STAG1: variants seen among roughly 807,000 people sequenced by gnomAD.
The protein encoded by STAG1 is cohesin subunit SA-1.
A neutral mutation model predicts 170.9 loss-of-function variants in STAG1; 26 were observed. The ratio of observed to expected loss-of-function variants is 0.15; its 90% CI spans 0.11 to 0.21. The LOEUF is 0.21. STAG1 is among the 10% of genes least tolerant of loss of function. The pLI is 1.00. For synonymous variants in STAG1, 514 were observed against 497.7 expected, an observed-to-expected ratio of 1.03 and a Z score of -0.44; for missense variants, 964 against 1,509.5, an observed-to-expected ratio of 0.64 and a Z score of 5.99.
At chr3:136,691,374 G>C (rs887010300) in intron 1 of STAG1, among the ~76,000 whole-genome samples, 6 of 151,722 alleles carry the variant, frequency 4.0e-5, no homozygotes, top group Non-Finnish European at 7.4e-5. Context: ...GGTGGAGCTT[G>C]CGGTGAGCCA....
intron 22 of STAG1, among the ~76,000 whole-genome samples, chr3:136,382,886 T>G (rs555257702): frequency 6.6e-6 from 1 of 152,320 alleles, no homozygotes; most frequent in East Asian, 1.9e-4. Flanking sequence ...CAGATTTGGG[T>G]AAATAAGCAC....
At chr3:136,549,883 G>C (rs1559873485) in intron 5 of STAG1, among the ~76,000 whole-genome samples, 1 of 152,072 alleles carries the variant, frequency 6.6e-6, no homozygotes, top group East Asian at 1.9e-4. Context: ...AACATGAAAA[G>C]GGTGCTGGAT....
chr3:136,479,141 T>C (rs1213092987), intron 9 of STAG1, among the ~76,000 whole-genome samples: 1 of 148,914 alleles, frequency 6.7e-6, no homozygotes, highest in Non-Finnish European at 1.5e-5. Flanking sequence ...GTTAGTTACA[T>C]ATGTATACAT....
At position 136,422,867 on chromosome 3, in the gene STAG1, G is replaced by A. The variant is rs1393805642; in HGVS notation, c.1744-10C>T. The A allele has an allele frequency of 6.3e-7, 1 of 1,599,516 alleles. No individual in the cohort carries two copies. ...CTGCATCTGCAGAATACTAGAAGGAGAAGCAAAGAAAAAGACAGTAACTAC... is the reference window on the plus strand; with the variant it reads ...CTGCATCTGCAGAATACTAGAAGGAAAAGCAAAGAAAAAGACAGTAACTAC... On this transcript the variant is annotated splice_polypyrimidine_tract_variant and intron_variant, in intron 17 of 33. Transcript: ENST00000383202.
intron 5 of STAG1, among the ~76,000 whole-genome samples, chr3:136,563,169 T>C (rs1936912211): frequency 1.3e-5 from 2 of 152,308 alleles, no homozygotes; most frequent in South Asian, 4.1e-4. Flanking sequence ...ACCCTGTAAA[T>C]AGTAGATATC....
chr3:136,384,174 G>T (rs1460746022), intron 22 of STAG1, among the ~76,000 whole-genome samples: 1 of 151,968 alleles, frequency 6.6e-6, no homozygotes, highest in Non-Finnish European at 1.5e-5. Flanking sequence ...AATTTGGCTG[G>T]GTGTGGTGGC....
intron 1 of STAG1, among the ~76,000 whole-genome samples, chr3:136,676,393 A>T (rs1307940012): frequency 6.6e-6 from 1 of 152,010 alleles, no homozygotes; most frequent in Non-Finnish European, 1.5e-5. Flanking sequence ...AAACTTTTTG[A>T]CTCTTTGGTA....
chr3:136,514,065 T>G (rs1576550666), intron 7 of STAG1, among the ~76,000 whole-genome samples: 1 of 152,282 alleles, frequency 6.6e-6, no homozygotes, highest in East Asian at 1.9e-4. Context: ...TTATAGAGAA[T>G]TTTTATTTTT....
At chr3:136,730,045 C>A (rs114462013) in intron 1 of STAG1, among the ~76,000 whole-genome samples, 2 of 151,836 alleles carry the variant, frequency 1.3e-5, no homozygotes, top group African/African-American at 2.4e-5. Flanking sequence ...CGTGCCACTA[C>A]GCCCGGCTAA....
At chr3:136,700,867 A>AT (rs1030124272) in intron 1 of STAG1, among the ~76,000 whole-genome samples, 2 of 114,846 alleles carry the variant, frequency 1.7e-5, no homozygotes, top group Non-Finnish European at 3.6e-5. Context: ...TGTGTGCTCT[A>AT]TTTTTTTTCT....
intron 23 of STAG1, 145 bp from the exon 24 acceptor site, chr3:136,369,427 T>C: frequency 1.6e-6 from 1 of 616,504 alleles, no homozygotes; most frequent in East Asian, 3.5e-5. Context: ...AATATTGTTA[T>C]AATTTCCAAA....
intron 1 of STAG1, among the ~76,000 whole-genome samples, chr3:136,638,003 G>A (rs1309531005): frequency 4.6e-5 from 7 of 151,858 alleles, no homozygotes; most frequent in Non-Finnish European, 1.5e-5. Flanking sequence ...TCCAACTCCT[G>A]GGCCCAAGTG....
At chr3:136,552,537 C>T (rs1936448589) in intron 5 of STAG1, among the ~76,000 whole-genome samples, 1 of 152,050 alleles carries the variant, frequency 6.6e-6, no homozygotes, top group African/African-American at 2.4e-5. Context: ...TATATAGAAG[C>T]AATGCTGAAA....
intron 1 of STAG1, among the ~76,000 whole-genome samples, chr3:136,687,737 AT>A (rs397876527): frequency 0.07 from 9,923 of 141,680 alleles, 360 homozygotes; most frequent in African/African-American, 0.11. Context: ...GAAGAGACCA[AT>A]TTTTTTTTTT....
chr3:136,714,738 A>G (rs1943473858), intron 1 of STAG1, among the ~76,000 whole-genome samples: 1 of 150,722 alleles, frequency 6.6e-6, no homozygotes, highest in Admixed American at 6.6e-5. Context: ...AAAAATAAAA[A>G]TAAATAAATA....
intron 1 of STAG1, among the ~76,000 whole-genome samples, chr3:136,700,940 G>T (rs547851594): frequency 1.4e-5 from 2 of 142,704 alleles, no homozygotes; most frequent in Non-Finnish European, 3.0e-5. Flanking sequence ...GGAGTGCAGC[G>T]GCATGATCTT....
chr3:136,557,775 G>A (rs1031024570), intron 5 of STAG1, among the ~76,000 whole-genome samples: 5 of 152,074 alleles, frequency 3.3e-5, no homozygotes, highest in Non-Finnish European at 5.9e-5. Context: ...CTGACCTCAA[G>A]TGATCCGCCT....
intron 1 of STAG1, among the ~76,000 whole-genome samples, chr3:136,682,359 A>C (rs994643164): frequency 6.6e-6 from 1 of 151,798 alleles, no homozygotes; most frequent in African/African-American, 2.4e-5. Context: ...CGGAAGGCAG[A>C]GGTTGCAGTG....
Position 136,696,284 on chromosome 3 carries a change from T to C in STAG1, c.-84+55911A>G, listed in dbSNP as rs117849321. Among the ~76,000 whole-genome samples, 508 of 136,690 alleles carry C rather than the reference T, an allele frequency of 3.7e-3. 8 individuals are homozygous for C. In the East Asian group the frequency reaches 0.048, roughly 13 times the overall value. 89.7% of individuals were successfully genotyped at this position (136,690 alleles called of 152,430 possible). A position where few individuals can be genotyped will look rare whatever the true frequency, so the allele number is the denominator to read the frequency against. On this transcript the variant is annotated intron_variant, in intron 1 of 33. Transcript: ENST00000383202. ...TACAAGGTCATTTTGGTGGCTGGGC[T>C]TGTGAGACAATCCCTGGAAGCATGT... is the stretch of plus-strand genomic sequence containing the variant.
Sources: allele counts gnomAD v4.1 joint callset (sites outside exome capture counted in the v4.1 genomes callset), GRCh38; gene constraint gnomAD v4.1.1; transcripts MANE v1.5; gene names NCBI Gene and HGNC (gene_info 2026-07-23, HGNC 2026-07-21).